The following TBC1D19 variants were observed in gnomAD, a reference collection of about 807,000 sequenced individuals.
TBC1D19 encodes the protein TBC1 domain family member 19.
A neutral mutation model predicts 89.0 loss-of-function variants in TBC1D19; 60 were observed. The observed-to-expected ratio is 0.67, with a 90% CI of 0.55 to 0.84. The LOEUF is 0.84. Among genes scored for constraint, TBC1D19 ranks in the 40% least tolerant of loss-of-function variants. The probability of loss-of-function intolerance (pLI) is 0.00; values close to 1 mark genes in which losing one functional copy is unlikely to be tolerated. For synonymous variants in TBC1D19, 189 were observed against 199.7 expected, an observed-to-expected ratio of 0.95 and a Z score of 0.45; for missense variants, 500 against 610.8, an observed-to-expected ratio of 0.82 and a Z score of 1.91.
intron 11 of TBC1D19, among the ~76,000 whole-genome samples, chr4:26,676,953 C>T (rs911895548): frequency 5.9e-5 from 9 of 152,076 alleles, no homozygotes; most frequent in African/African-American, 2.2e-4. Context: ...TACCAGTTAC[C>T]TCAAATCTAT....
intron 7 of TBC1D19, among the ~76,000 whole-genome samples, chr4:26,645,329 A>T (rs1214936339): frequency 6.6e-6 from 1 of 152,210 alleles, no homozygotes; most frequent in Non-Finnish European, 1.5e-5. Flanking sequence ...GGAACAGAAC[A>T]GCAGCCTCAG....
intron 13 of TBC1D19, among the ~76,000 whole-genome samples, chr4:26,688,750 T>C (rs1714032306): frequency 6.6e-6 from 1 of 152,096 alleles, no homozygotes; most frequent in Non-Finnish European, 1.5e-5. Context: ...TTTTGCATTA[T>C]ACTTTTAAAA....
At chr4:26,760,293 T>C (rs1578027680), downstream of TBC1D19, among the ~76,000 whole-genome samples, 6 of 152,354 alleles carry the variant, frequency 3.9e-5, no homozygotes, top group South Asian at 1.0e-3. Flanking sequence ...CTAGGTGTGG[T>C]GGCTCACACC....
the TBC1D19 span, among the ~76,000 whole-genome samples, chr4:26,800,757 T>G: frequency 1.3e-5 from 2 of 152,228 alleles, no homozygotes; most frequent in African/African-American, 2.4e-5. Flanking sequence ...TGTTTGCCAG[T>G]GATGATGAGC....
downstream of TBC1D19, among the ~76,000 whole-genome samples, chr4:26,759,597 T>C (rs987724703): frequency 9.9e-5 from 15 of 152,090 alleles, no homozygotes; most frequent in Non-Finnish European, 1.9e-4. Context: ...CCCAAAATAG[T>C]TCCTTTTGTG....
intron 4 of TBC1D19, 133 bp downstream of exon 4, chr4:26,620,821 A>G (rs1473678022): frequency 1.7e-5 from 12 of 721,872 alleles, no homozygotes; most frequent in Non-Finnish European, 2.2e-5. Flanking sequence ...AATTTATGTT[A>G]ATAGTATTTG....
At chr4:26,591,912 A>G (rs1739838062) in intron 1 of TBC1D19, among the ~76,000 whole-genome samples, 2 of 152,238 alleles carry the variant, frequency 1.3e-5, no homozygotes, top group Non-Finnish European at 2.9e-5. Context: ...CAGAGGTACA[A>G]GGAGGAGCTG....
chr4:26,690,151 C>T (rs1714152695), intron 13 of TBC1D19, among the ~76,000 whole-genome samples: 1 of 152,160 alleles, frequency 6.6e-6, no homozygotes, highest in Non-Finnish European at 1.5e-5. Flanking sequence ...AAACCAAAGC[C>T]TAATCCAGAG....
chr4:26,855,359 A>G, the TBC1D19 span, among the ~76,000 whole-genome samples: 1 of 152,220 alleles, frequency 6.6e-6, no homozygotes, highest in Non-Finnish European at 1.5e-5. Context: ...ATTCAACTCA[A>G]AACGAGCTCT....
chr4:26,650,871 C>A (rs111451778), intron 7 of TBC1D19, among the ~76,000 whole-genome samples: 2,715 of 152,224 alleles, frequency 0.018, 58 homozygotes, highest in East Asian at 0.066. Flanking sequence ...TCTTTATAAT[C>A]CATCTTGAAT....
intron 13 of TBC1D19, among the ~76,000 whole-genome samples, chr4:26,698,861 T>A (rs1355170048): frequency 6.6e-6 from 1 of 152,128 alleles, no homozygotes; most frequent in Non-Finnish European, 1.5e-5. Context: ...CAAAAATTAA[T>A]TCAACATGGA....
At chr4:26,706,866 C>G (rs537484965) in intron 13 of TBC1D19, among the ~76,000 whole-genome samples, 1 of 151,946 alleles carries the variant, frequency 6.6e-6, no homozygotes, top group Admixed American at 6.6e-5. Flanking sequence ...TGATTTCTAC[C>G]TCCATCTCTG....
chr4:26,585,476 T>TA (rs140441749), intron 1 of TBC1D19, among the ~76,000 whole-genome samples: 56 of 148,488 alleles, frequency 3.8e-4, no homozygotes, highest in East Asian at 5.8e-4. Context: ...TTCTGCCCAT[T>TA]AAAAAAAAAA....
At chr4:26,583,199 T>C (rs1739175337), upstream of TBC1D19, among the ~76,000 whole-genome samples, 1 of 151,658 alleles carries the variant, frequency 6.6e-6, no homozygotes, top group Admixed American at 6.6e-5. Context: ...CACTAGGCCT[T>C]TTTTGGGGGG....
chr4:26,582,101 C>G (rs1739081367), upstream of TBC1D19, among the ~76,000 whole-genome samples: 1 of 151,840 alleles, frequency 6.6e-6, no homozygotes, highest in Non-Finnish European at 1.5e-5. Flanking sequence ...AGGAATAGTT[C>G]TGGGCACTTT....
At chr4:26,613,304 CT>C (rs1302091238) in intron 2 of TBC1D19, 63 bp downstream of exon 2, 1 of 1,077,254 alleles carries the variant, frequency 9.3e-7, no homozygotes, top group Non-Finnish European at 1.3e-6. Flanking sequence ...ATTCCTAATT[CT>C]TTAAGCCCTC....
rs368140414 is a variant in TBC1D19, at chr4:26,644,145, C to T, written c.480+3958C>T. Among the ~76,000 whole-genome samples, 28 of 152,162 alleles carry T rather than the reference C, an allele frequency of 1.8e-4. No individual in the cohort carries two copies. In the South Asian group the frequency reaches 5.6e-3, roughly 31 times the overall value. ...AAAAAAGAAAATTTTAGACCAATAC[C>T]CCGATGAACATTGATGTGAAAATTC... On this transcript the variant is annotated intron_variant, in intron 7 of 20. Coordinates refer to ENST00000264866, the MANE Select transcript of TBC1D19 (RefSeq NM_018317.4).
chr4:26,748,369 A>T, intron 18 of TBC1D19, 42 bp from the exon 19 acceptor site: 2 of 1,464,688 alleles, frequency 1.4e-6, no homozygotes, highest in Non-Finnish European at 1.9e-6. Context: ...CATGAGAAAA[A>T]ATTTCAGTGG....
chr4:26,650,018 C>T (rs185847792), intron 7 of TBC1D19, among the ~76,000 whole-genome samples: 1,533 of 152,166 alleles, frequency 0.01, 17 homozygotes, highest in African/African-American at 0.033. Flanking sequence ...CAGCTTCATC[C>T]GCATCCCTAC....
Sources: allele counts gnomAD v4.1 joint callset (sites outside exome capture counted in the v4.1 genomes callset), GRCh38; gene constraint gnomAD v4.1.1; transcripts MANE v1.5; gene names NCBI Gene and HGNC (gene_info 2026-07-23, HGNC 2026-07-21).